ZNF615: variants seen among roughly 807,000 people sequenced by gnomAD.
The protein encoded by ZNF615 is zinc finger protein 615.
In ZNF615, 15 loss-of-function variants were observed where a neutral mutation model predicts 15.3. The ratio of observed to expected loss-of-function variants is 0.98; its 90% confidence interval spans 0.66 to 1.51. The LOEUF is 1.51. Ranked by LOEUF, ZNF615 falls within the 40% of genes most tolerant of loss-of-function variation. ZNF615 has a pLI of 0.00. For synonymous variants in ZNF615, 268 were observed against 294.6 expected (o/e 0.91, Z 0.92); for missense variants, 848 against 895.9 (o/e 0.95, Z 0.68).
At position 51,996,402 on chromosome 19, in the gene ZNF615, A is replaced by AAAAAAAAAAAAAC. The variant is rs1555771241; in HGVS notation, c.272-1566_272-1565insGTTTTTTTTTTTT. ...CTCTGTCTCAAAAAAAAAAAAAAAA[A>AAAAAAAAAAAAAC]AAAAAACGCAAAACTATATGGCTTC... On this transcript the variant is annotated intron_variant, in intron 6 of 6. Coordinates refer to ENST00000598071, the MANE Select transcript of ZNF615 (RefSeq NM_001199324.2). 2.0e-3 allele frequency among the ~76,000 whole-genome samples: 275 copies of AAAAAAAAAAAAAC among 134,294 alleles called. 3 individuals carry two copies. Among genetic ancestry groups the AAAAAAAAAAAAAC allele is most frequent in the South Asian group, 4.1e-3 (16 of 3,878 alleles). 88.1% of individuals were successfully genotyped at this position (134,294 alleles called of 152,430 possible).
At chr19:52,001,631 A>T in intron 5 of ZNF615, 182 bp downstream of exon 5, 1 of 569,868 alleles carries the variant, frequency 1.8e-6, no homozygotes, top group East Asian at 2.9e-5. Context: ...AAAAAAAAAA[A>T]AAAAGAAAAG....
At chr19:51,995,856 T>C (rs1367771039) in intron 6 of ZNF615, among the ~76,000 whole-genome samples, 1 of 151,858 alleles carries the variant, frequency 6.6e-6, no homozygotes, top group African/African-American at 2.4e-5. Flanking sequence ...CATGAGCCAC[T>C]GCACTCAGCC....
Position 51,994,017 on chromosome 19 carries a change from G to A in ZNF615, c.1092C>T (p.Phe364=). ...GTGCAGTAAGACGCCTCTTCTCAAT[G>A]AAGCCTTTTCCACATTCACTACATA... ...PYICSECGKG[F]IEKRRLTAHH... is the part of the protein sequence containing the mutation. The change falls in exon 7 of 7, where the codon TTC becomes TTT. Residue 364 remains phenylalanine, a synonymous_variant. Coordinates refer to ENST00000598071, the MANE Select transcript of ZNF615 (RefSeq NM_001199324.2). 2 of 1,612,412 alleles carry A rather than the reference G, an allele frequency of 1.2e-6. No homozygotes were observed. Among genetic ancestry groups the A allele is most frequent in the Non-Finnish European group, 1.7e-6 (2 of 1,179,112 alleles).
At position 51,993,323 on chromosome 19, in the gene ZNF615, C is replaced by T; in HGVS notation, c.1786G>A (p.Ala596Thr). Residue 596 changes from alanine to threonine, a missense_variant, in exon 7 of 7, where the codon GCA becomes ACA. Physicochemically the swap from Ala to Thr is moderately conservative, Grantham distance 58. Transcript: ENST00000598071. ...TCCCCAGTATGAGTTCGCTGATGTG[C>T]AATGAGCATGCTTTTCCCAGTTAAG... Reference protein sequence around the residue: ...KGLTGKSMLIAHQRTHTGEKP... With the variant: ...KGLTGKSMLITHQRTHTGEKP... The T allele has an allele frequency of 6.2e-7, 1 of 1,613,998 alleles. No homozygotes were observed. Among genetic ancestry groups the T allele is most frequent in the Non-Finnish European group, 8.5e-7 (1 of 1,179,976 alleles).
At chr19:52,000,059 C>T (rs1236594079) in intron 6 of ZNF615, 6 of 308,482 alleles carry the variant, frequency 1.9e-5, no homozygotes, top group Non-Finnish European at 2.9e-5. Flanking sequence ...AGAACTAAAG[C>T]ATGTCATTTG....
rs769940978 is a variant in ZNF615 at position 52,001,883 on chromosome 19, T to C, written c.168A>G (p.Ala56=). The C allele has an allele frequency of 5.6e-6, 9 of 1,614,066 alleles. No homozygotes were observed. In the Admixed American group the frequency reaches 1.5e-4, roughly 27 times the overall value. Residue 56 remains alanine (A), a synonymous_variant, in exon 5 of 7, where the codon GCA becomes GCG. Transcript: ENST00000598071. The part of the protein sequence containing the change: ...AVGYQASKPD[A]LSKLERGEET... ...CTTCTCCTCGTTCCAATTTGGAGAG[T>C]GCATCTGGTTTGCTGGCTTGATACC...
intron 2 of ZNF615, 70 bp from the exon 3 acceptor site, chr19:52,003,970 CA>C: frequency 1.8e-6 from 2 of 1,119,322 alleles, no homozygotes; most frequent in Non-Finnish European, 2.3e-6. Context: ...CCTATATGCT[CA>C]CCTTAAATCA....
chr19:52,000,221 AGAGGAAGAAGG>A (rs921517146), intron 6 of ZNF615, 114 bp downstream of exon 6: 31 of 454,782 alleles, frequency 6.8e-5, no homozygotes, highest in Non-Finnish European at 1.1e-4. Flanking sequence ...GGGGACTCCA[AGAGGAAGAAGG>A]GAGGAAGGCA....
At chr19:52,000,768 C>T (rs1391633594) in intron 5 of ZNF615, among the ~76,000 whole-genome samples, 3 of 151,998 alleles carry the variant, frequency 2.0e-5, no homozygotes, top group African/African-American at 7.3e-5. Flanking sequence ...GCCTAGGCAA[C>T]ATGACAAAAC....
At position 51,994,224 on chromosome 19, in the gene ZNF615, T is replaced by G. The variant is rs1333830095; in HGVS notation, c.885A>C (p.Gly295=). Residue 295 remains glycine, a synonymous_variant, in exon 7 of 7, where the codon GGA becomes GGC. Transcript: ENST00000598071. ...ATTGGCTACATGTGTAAGGTTTCCC[T>G]CCCATATGAGTTTTCTGATGTATAT... ...QLNIHQKTHM[G]GKPYTCSQCG... 1 of 1,614,090 alleles carries G rather than the reference T, an allele frequency of 6.2e-7. No homozygotes were observed. The highest frequency in any genetic ancestry group is 8.5e-7 in the Non-Finnish European group (1 of 1,180,014).
intron 2 of ZNF615, among the ~76,000 whole-genome samples, chr19:52,006,680 A>C (rs2086761859): frequency 6.6e-6 from 1 of 152,192 alleles, no homozygotes; most frequent in Non-Finnish European, 1.5e-5. Context: ...TCACAAACAG[A>C]GGAATGGATG....
Position 51,992,255 on chromosome 19 carries a change from C to T in ZNF615, c.*625G>A, listed in dbSNP as rs1185192586. On this transcript the variant is annotated 3_prime_UTR_variant, in exon 7 of 7. Transcript: ENST00000598071. Reference sequence around the variant, plus strand: ...AATTTAAAATGTATAAAATCAGTGACAAGGCAACTAGGAATATGGCTCAAG... The same window carrying T: ...AATTTAAAATGTATAAAATCAGTGATAAGGCAACTAGGAATATGGCTCAAG... The T allele has an allele frequency of 1.3e-5, 2 of 152,140 alleles. No homozygotes were observed. Among genetic ancestry groups the T allele is most frequent in the Non-Finnish European group, 2.9e-5 (2 of 68,046 alleles). The allele number at this position is 152,140 out of a possible 1,614,324, so 9.4% of individuals were successfully genotyped here. A position where few individuals can be genotyped will look rare whatever the true frequency, so the allele number is the denominator to read the frequency against.
At position 52,003,842 on chromosome 19, in the gene ZNF615, G is replaced by C; in HGVS notation, c.-131C>G. The C allele has an allele frequency of 6.6e-7, 1 of 1,513,434 alleles. No individual in the cohort carries two copies. The highest frequency in any genetic ancestry group is 8.8e-7 in the Non-Finnish European group (1 of 1,134,576). 93.8% of individuals were successfully genotyped at this position (1,513,434 alleles called of 1,614,324 possible). ...TGTCCCCAGAAATGATGACACCCAA[G>C]TCTTGGAAACTCCGCCTCCTTCCTT... On this transcript the variant is annotated 5_prime_UTR_variant, in exon 3 of 7. Transcript: ENST00000598071.
chr19:52,002,961 G>A (rs909271616), intron 3 of ZNF615, among the ~76,000 whole-genome samples: 1 of 151,698 alleles, frequency 6.6e-6, no homozygotes, highest in African/African-American at 2.4e-5. Context: ...CTAGTAGCTG[G>A]GATTACAGGC....
chr19:51,996,400 A>AC (rs1482810808), intron 6 of ZNF615, among the ~76,000 whole-genome samples: 1,515 of 150,196 alleles, frequency 0.01, 47 homozygotes, highest in African/African-American at 0.029. Context: ...AAAAAAAAAA[A>AC]AAAAAAAACG....
At chr19:51,997,356 A>C (rs901746875) in intron 6 of ZNF615, among the ~76,000 whole-genome samples, 1 of 152,174 alleles carries the variant, frequency 6.6e-6, no homozygotes, top group African/African-American at 2.4e-5. Context: ...TCAGCATTTG[A>C]TTTAAAGTGT....
chr19:51,994,316 G>T lies in ZNF615; in HGVS notation c.793C>A (p.His265Asn), dbSNP rs781052415. The change falls in exon 7 of 7, where the codon CAT becomes AAT. Residue 265 changes from histidine to asparagine, a missense_variant. Physicochemically the swap from His to Asn is moderately conservative, Grantham distance 68. Coordinates refer to ENST00000598071, the MANE Select transcript of ZNF615 (RefSeq NM_001199324.2). ...KSRLMDHQRT[H>N]TELKHYECTE... ...CATTCATAATGTTTCAGTTCTGTAT[G>T]AGTTCTCTGATGGTCCATTAGTCTG... The T allele has an allele frequency of 6.2e-7, 1 of 1,614,140 alleles. No individual in the cohort carries two copies. Among genetic ancestry groups the T allele is most frequent in the Non-Finnish European group, 8.5e-7 (1 of 1,180,024 alleles).
At position 51,993,776 on chromosome 19, in the gene ZNF615, C is replaced by T; in HGVS notation, c.1333G>A (p.Gly445Arg). The part of the protein sequence containing the change: ...GEKPYKCNEC[G>R]KGFALKSPLI... Reference sequence around the variant, plus strand: ...GGGCTCTTCAAAGCGAAGCCCTTTCCACACTCATTGCATTTATAAGGTTTC... The same window carrying T: ...GGGCTCTTCAAAGCGAAGCCCTTTCTACACTCATTGCATTTATAAGGTTTC... Residue 445 changes from glycine (G) to arginine (R), a missense_variant, in exon 7 of 7, where the codon GGA becomes AGA. Coordinates refer to ENST00000598071, the MANE Select transcript of ZNF615 (RefSeq NM_001199324.2). The T allele has an allele frequency of 6.2e-7, 1 of 1,614,142 alleles. No individual in the cohort carries two copies. The highest frequency in any genetic ancestry group is 1.1e-5 in the South Asian group (1 of 91,074).
chr19:52,002,587 C>T (rs2086632418), intron 3 of ZNF615: 2 of 443,528 alleles, frequency 4.5e-6, no homozygotes, highest in Non-Finnish European at 4.4e-6. Context: ...TAAGTATATG[C>T]CAGTTACAAG....
Sources: gnomAD v4.1 joint callset for allele counts (sites outside exome capture counted in the v4.1 genomes callset) on GRCh38, gnomAD v4.1.1 for gene constraint, MANE v1.5 for transcripts, NCBI Gene and HGNC (gene_info 2026-07-23, HGNC 2026-07-21) for gene names.